GATM: variants seen among roughly 807,000 people sequenced by gnomAD.
GATM encodes the protein glycine amidinotransferase, mitochondrial.
Under a neutral mutation model 54.2 loss-of-function variants are expected in GATM, and 23 were observed. The ratio of observed to expected loss-of-function variants is 0.42; its 90% confidence interval spans 0.31 to 0.60. The LOEUF (loss-of-function observed/expected upper bound fraction) is 0.60. Ranked by LOEUF, GATM falls within the 20% of genes least tolerant of loss-of-function variation. GATM has a pLI of 0.14. For synonymous variants in GATM, 168 were observed against 183.1 expected, an observed-to-expected ratio of 0.92 and a Z score of 0.67; for missense variants, 401 against 544.9, an observed-to-expected ratio of 0.74 and a Z score of 2.63.
At chr15:45,383,440 AAG>A (rs568154138), upstream of GATM, among the ~76,000 whole-genome samples, 121 of 152,328 alleles carry the variant, frequency 7.9e-4, no homozygotes, top group African/African-American at 2.7e-3. Flanking sequence ...AAAACTGAGG[AAG>A]AAACATTTGA....
In GATM at chr15:45,376,760, C is replaced by T; in HGVS notation, c.129G>A (p.Thr43=). The change falls in exon 2 of 9, where the codon ACG becomes ACA. Residue 43 remains threonine (T), a synonymous_variant. Coordinates refer to ENST00000396659, the MANE Select transcript of GATM (RefSeq NM_001482.3). Reference sequence around the variant, plus strand: ...CTGCACAGGAGTTCCGGGAGGAAGCCGTAGCTGCCTGGGTGCTCTGGAAAG... The same window carrying T: ...CTGCACAGGAGTTCCGGGAGGAAGCTGTAGCTGCCTGGGTGCTCTGGAAAG... The part of the protein sequence containing the change: ...QRTFQSTQAA[T]ASSRNSCAAD... 1 of 1,614,166 alleles carries T rather than the reference C, an allele frequency of 6.2e-7. No individual in the cohort carries two copies.
rs530917866 is a variant in GATM, at chr15:45,368,318, A to G, written c.485-58T>C. 7 of 1,468,316 alleles carry G rather than the reference A, an allele frequency of 4.8e-6. No individual in the cohort carries two copies. The highest frequency in any genetic ancestry group is 5.7e-6 in the Non-Finnish European group (6 of 1,056,238). The allele number at this position is 1,468,316 out of a possible 1,614,324, so 91.0% of individuals were successfully genotyped here. A position where few individuals can be genotyped will look rare whatever the true frequency, so the allele number is the denominator to read the frequency against. On this transcript the variant is annotated intron_variant, in intron 3 of 8. Transcript: ENST00000396659. The surrounding 1 kb of genome is among the most constrained non-coding windows in gnomAD (Gnocchi z 5.1). ...GTAGTGTTAATTTCCAAGACAAAAA[A>G]GGTCTATATAGGGCCAGGCACAGTG...
At chr15:45,387,284 T>C (rs2140672084) in intron 3 of GATM, among the ~76,000 whole-genome samples, 1 of 152,372 alleles carries the variant, frequency 6.6e-6, no homozygotes, top group East Asian at 1.9e-4. Context: ...GGCACAATTC[T>C]GTAGCAACCA....
chr15:45,378,305 G>A (rs1889676526), intron 1 of GATM, 80 bp downstream of exon 1: 4 of 1,132,168 alleles, frequency 3.5e-6, no homozygotes, highest in Non-Finnish European at 5.0e-6. Flanking sequence ...GCTCCGGGCA[G>A]GGAGCGAGCG....
At chr15:45,397,731 G>A (rs10152697) in intron 2 of GATM, among the ~76,000 whole-genome samples, 14,966 of 152,206 alleles carry the variant, frequency 0.098, 836 homozygotes, top group Middle Eastern at 0.25. Context: ...TTTACAGACC[G>A]TCCCTGGTCA....
chr15:45,376,540 G>A lies in GATM; in HGVS notation c.288+61C>T, dbSNP rs993933525. ...GTAAGCTGAAGGGAAAGCAGTCAGA[G>A]GGTAGCAGCAGCAGGTGAGGAGGGA... is the stretch of plus-strand genomic sequence containing the variant. On this transcript the variant is annotated intron_variant, in intron 2 of 8. Transcript: ENST00000396659. 3 of 1,392,004 alleles carry A rather than the reference G, an allele frequency of 2.2e-6. No homozygotes were observed. In the African/African-American group the frequency reaches 4.3e-5, roughly 20 times the overall value. 86.2% of individuals were successfully genotyped at this position (1,392,004 alleles called of 1,614,324 possible).
chr15:45,394,528 A>G (rs1020760449), intron 3 of GATM, among the ~76,000 whole-genome samples: 2 of 152,238 alleles, frequency 1.3e-5, no homozygotes, highest in Non-Finnish European at 2.9e-5. Context: ...GTTGAATTCT[A>G]TCTGGGCGTA....
At chr15:45,385,796 A>G (rs1018940058) in intron 3 of GATM, among the ~76,000 whole-genome samples, 30 of 152,210 alleles carry the variant, frequency 2.0e-4, no homozygotes, top group Middle Eastern at 3.2e-3. Context: ...GCAGTTGACA[A>G]TGGACCTAAA....
chr15:45,373,913 C>G (rs961040012), intron 2 of GATM, among the ~76,000 whole-genome samples: 8 of 152,106 alleles, frequency 5.3e-5, no homozygotes, highest in Non-Finnish European at 1.0e-4. Context: ...ACAAAAAGAA[C>G]CAGACGAATG....
intron 3 of GATM, among the ~76,000 whole-genome samples, chr15:45,387,463 T>C (rs1889816394): frequency 6.6e-6 from 1 of 152,102 alleles, no homozygotes; most frequent in African/African-American, 2.4e-5. Context: ...TTTTTTTATG[T>C]CCAAACCTTC....
intron 2 of GATM, among the ~76,000 whole-genome samples, chr15:45,372,672 T>A (rs141030087): frequency 1.2e-4 from 19 of 152,350 alleles, no homozygotes; most frequent in African/African-American, 4.6e-4. Flanking sequence ...GCCAGACTCA[T>A]TCCAAAGTAT....
chr15:45,382,853 A>G (rs180842863), upstream of GATM, among the ~76,000 whole-genome samples: 1 of 152,296 alleles, frequency 6.6e-6, no homozygotes, highest in Non-Finnish European at 1.5e-5. Context: ...GAGTGTGGTG[A>G]GTTCTAGCTC....
At chr15:45,365,594 T>C (rs1372349906) in intron 6 of GATM, among the ~76,000 whole-genome samples, 1 of 152,186 alleles carries the variant, frequency 6.6e-6, no homozygotes, top group African/African-American at 2.4e-5. Flanking sequence ...CCAGCTGCAG[T>C]GCAGTGGCTT....
upstream of GATM, chr15:45,379,038 A>G (rs1889696814): frequency 6.6e-6 from 1 of 152,050 alleles, no homozygotes; most frequent in Non-Finnish European, 1.5e-5. Context: ...AAATTGGGCC[A>G]TTTGTTCCCC....
At chr15:45,380,623 C>T (rs1338668706), upstream of GATM, 1 of 152,042 alleles carries the variant, frequency 6.6e-6, no homozygotes, top group East Asian at 1.9e-4. Flanking sequence ...TATACCATTT[C>T]TGCTTGAGAT....
upstream of GATM, among the ~76,000 whole-genome samples, chr15:45,382,516 G>T (rs1889753193): frequency 6.6e-6 from 1 of 152,136 alleles, no homozygotes; most frequent in Non-Finnish European, 1.5e-5. Flanking sequence ...ACAAAAATTA[G>T]CCAGGTGTGT....
At position 45,376,732 on chromosome 15, in the gene GATM, C is replaced by T. The variant is rs1362004619; in HGVS notation, c.157G>A (p.Asp53Asn). The T allele has an allele frequency of 1.2e-6, 2 of 1,614,212 alleles. No homozygotes were observed. The highest frequency in any genetic ancestry group is 2.2e-5 in the South Asian group (2 of 91,082). The change falls in exon 2 of 9, where the codon GAC becomes AAC. Residue 53 changes from aspartate to asparagine, a missense_variant. By Grantham distance (23) the Asp-to-Asn change is conservative (BLOSUM62 1). Transcript: ENST00000396659. ...GGCAGAGGCTCAGTGGCTTTGTCGTCAGCTGCACAGGAGTTCCGGGAGGAA... is the reference window on the plus strand; with the variant it reads ...GGCAGAGGCTCAGTGGCTTTGTCGTTAGCTGCACAGGAGTTCCGGGAGGAA... Reference protein sequence around the residue: ...TASSRNSCAADDKATEPLPKD... With the variant: ...TASSRNSCAANDKATEPLPKD...
intron 3 of GATM, among the ~76,000 whole-genome samples, chr15:45,391,964 T>G (rs181132218): frequency 5.6e-4 from 86 of 152,334 alleles, no homozygotes; most frequent in African/African-American, 2.0e-3. Flanking sequence ...ATAAAGAGTG[T>G]GGGCTCTGGA....
intron 2 of GATM, chr15:45,399,452 A>G (rs1401115207): frequency 6.6e-6 from 1 of 152,154 alleles, no homozygotes; most frequent in Non-Finnish European, 1.5e-5. Context: ...CATGAATGGG[A>G]TTAGTGTGCT....
Sources: gnomAD v4.1 joint callset for allele counts (sites outside exome capture counted in the v4.1 genomes callset) on GRCh38, gnomAD v4.1.1 for gene constraint, Gnocchi (gnomAD v3.1) non-coding constraint, MANE v1.5 for transcripts, NCBI Gene and HGNC (gene_info 2026-07-23, HGNC 2026-07-21) for gene names.